Variants in PRDM11 observed in about 807,000 individuals in gnomAD.
PRDM11 encodes the protein PR/SET domain 11, also known as PR domain-containing protein 11.
Under a neutral mutation model 97.8 loss-of-function variants are expected in PRDM11, and 20 were observed. The ratio of observed to expected loss-of-function variants is 0.20; its 90% CI spans 0.14 to 0.30. The LOEUF is 0.30. Among genes scored for constraint, PRDM11 ranks in the 10% least tolerant of loss-of-function variants. The pLI is 1.00. For missense variants in PRDM11, 1,139 were observed against 1,555.2 expected (o/e 0.73, Z 4.50); for synonymous variants, 599 against 637.7 (o/e 0.94, Z 0.91).
chr11:45,110,288 G>A (rs186024422), intron 1 of PRDM11, among the ~76,000 whole-genome samples: 125 of 151,772 alleles, frequency 8.2e-4, no homozygotes, highest in African/African-American at 2.9e-3. Flanking sequence ...CCAGAAAAAT[G>A]AGAGCCCTGA....
chr11:45,189,127 C>T (rs1852817615), intron 4 of PRDM11, among the ~76,000 whole-genome samples: 6 of 152,036 alleles, frequency 3.9e-5, no homozygotes, highest in Admixed American at 3.9e-4. Flanking sequence ...TCTTGAACTC[C>T]CGACCTCAAG....
At chr11:45,096,837 G>A (rs879282872) in intron 1 of PRDM11, among the ~76,000 whole-genome samples, 6 of 152,188 alleles carry the variant, frequency 3.9e-5, no homozygotes, top group Admixed American at 3.3e-4. Flanking sequence ...AGAAGGGAAC[G>A]TTGTCATTTC....
At chr11:45,128,955 AC>A (rs1304911700) in intron 1 of PRDM11, among the ~76,000 whole-genome samples, 1 of 152,202 alleles carries the variant, frequency 6.6e-6, no homozygotes, top group Non-Finnish European at 1.5e-5. Context: ...GTAGTGACAT[AC>A]AAAAATTATA....
intron 1 of PRDM11, among the ~76,000 whole-genome samples, chr11:45,161,475 C>G (rs1851926395): frequency 6.6e-6 from 1 of 152,200 alleles, no homozygotes; most frequent in Non-Finnish European, 1.5e-5. Flanking sequence ...CACCCTGACC[C>G]CTTGCTTGGC....
intron 1 of PRDM11, among the ~76,000 whole-genome samples, chr11:45,102,598 A>G (rs1207754797): frequency 2.6e-5 from 4 of 151,076 alleles, no homozygotes; most frequent in African/African-American, 9.7e-5. Flanking sequence ...TCCTTCCCCC[A>G]TACCACCCCA....
chr11:45,180,035 G>T (rs540012148), intron 1 of PRDM11, among the ~76,000 whole-genome samples: 3 of 152,344 alleles, frequency 2.0e-5, no homozygotes, highest in Non-Finnish European at 2.9e-5. Context: ...GCGATTGTTC[G>T]GTAGAGGACT....
intron 5 of PRDM11, among the ~76,000 whole-genome samples, chr11:45,215,003 T>G (rs1481154998): frequency 6.6e-6 from 1 of 152,142 alleles, no homozygotes; most frequent in Non-Finnish European, 1.5e-5. Context: ...AAAAGTGAGG[T>G]GTTGCTAAGT....
intron 4 of PRDM11, among the ~76,000 whole-genome samples, chr11:45,184,738 A>G (rs989100800): frequency 6.6e-6 from 1 of 152,184 alleles, no homozygotes; most frequent in African/African-American, 2.4e-5. Flanking sequence ...CAAGATATCC[A>G]AGTGGTGATG....
chr11:45,106,690 C>T (rs1852067025), intron 1 of PRDM11, among the ~76,000 whole-genome samples: 1 of 152,172 alleles, frequency 6.6e-6, no homozygotes, highest in African/African-American at 2.4e-5. Context: ...CGGGCTGCCA[C>T]CTGGGACACT....
At chr11:45,101,555 CAA>C (rs1172482163) in intron 1 of PRDM11, among the ~76,000 whole-genome samples, 93 of 61,578 alleles carry the variant, frequency 1.5e-3, no homozygotes, top group African/African-American at 5.6e-3. Context: ...CACTCTGTCT[CAA>C]AAAAAAAAAA....
intron 5 of PRDM11, among the ~76,000 whole-genome samples, chr11:45,211,939 G>A (rs1853752617): frequency 6.6e-6 from 1 of 152,216 alleles, no homozygotes; most frequent in African/African-American, 2.4e-5. Flanking sequence ...CCCAAGCAAT[G>A]CAGACGTGGC....
chr11:45,200,800 T>C (rs2135787006), intron 4 of PRDM11, among the ~76,000 whole-genome samples: 1 of 152,294 alleles, frequency 6.6e-6, no homozygotes, highest in Admixed American at 6.5e-5. Context: ...TGTTTTCTCT[T>C]TTTAGTTTTC....
chr11:45,096,759 C>G (rs1851891598), intron 1 of PRDM11, among the ~76,000 whole-genome samples: 1 of 152,198 alleles, frequency 6.6e-6, no homozygotes, highest in Non-Finnish European at 1.5e-5. Context: ...ATCACAGAGG[C>G]ACTGGGTAGC....
rs1852174873 is a variant in PRDM11, at chr11:45,111,352, C to T, written c.96+15451C>T. ...GCCCTCTATGCCAAACGGCATTCCA[C>T]CCAACATTGCTTCGGACCAACGAAC... On this transcript the variant is annotated intron_variant, in intron 1 of 6. Transcript: ENST00000530656. 3.6e-5 allele frequency among the ~76,000 whole-genome samples: 2 copies of T among 55,106 alleles called. 1 individual carries two copies. The highest frequency in any genetic ancestry group is 1.6e-4 in the Non-Finnish European group (2 of 12,202). 36.2% of individuals were successfully genotyped at this position (55,106 alleles called of 152,430 possible).
chr11:45,225,171 T>G (rs1854243812), intron 7 of PRDM11: 2 of 1,293,924 alleles, frequency 1.5e-6, no homozygotes, highest in African/African-American at 3.0e-5. Context: ...CTAAACCCAG[T>G]CTTTCTCTGT....
chr11:45,111,702 CTG>C (rs1213653823), intron 1 of PRDM11, among the ~76,000 whole-genome samples: 3 of 152,164 alleles, frequency 2.0e-5, no homozygotes, highest in Non-Finnish European at 4.4e-5. Context: ...CCTCCGGGCT[CTG>C]TCGATTTGAA....
At chr11:45,096,832 G>A (rs1851892451) in intron 1 of PRDM11, among the ~76,000 whole-genome samples, 1 of 152,190 alleles carries the variant, frequency 6.6e-6, no homozygotes, top group Non-Finnish European at 1.5e-5. Flanking sequence ...GAGGGAGAAG[G>A]GAACGTTGTC....
At position 45,227,153 on chromosome 11, in the gene PRDM11, T is replaced by A; in HGVS notation, c.2528T>A (p.Leu843Gln). 6.5e-7 allele frequency: 1 copy of A among 1,533,980 alleles called. No homozygotes were observed. The highest frequency in any genetic ancestry group is 8.7e-7 in the Non-Finnish European group (1 of 1,146,740). Residue 843 changes from leucine (L) to glutamine (Q), a missense_variant, in exon 8 of 8, where the codon CTG becomes CAG. This residue lies in a region of PRDM11 where 710 missense variants were observed against 1,044.9 expected (regional missense o/e 0.68). Coordinates refer to ENST00000683152, the MANE Select transcript of PRDM11 (RefSeq NM_001384648.1). The surrounding 1 kb of genome is among the most constrained non-coding windows in gnomAD (Gnocchi z 8.0). ...NVLNALIKDY[L>Q]EVVAHLKEVS... ...CTCAACGCTCTCATCAAGGACTACC[T>A]GGAGGTGGTGGCCCATCTCAAGGAG...
At chr11:45,135,242 C>T (rs969272333) in intron 1 of PRDM11, among the ~76,000 whole-genome samples, 11 of 152,128 alleles carry the variant, frequency 7.2e-5, no homozygotes, top group African/African-American at 2.7e-4. Flanking sequence ...AGAAAACCTG[C>T]CTTAGCAAAC....
Sources: allele counts gnomAD v4.1 joint callset (sites outside exome capture counted in the v4.1 genomes callset), GRCh38; gene constraint gnomAD v4.1.1; regional missense constraint gnomAD v4.1.1; non-coding constraint Gnocchi (gnomAD v3.1); transcripts MANE v1.5; gene names NCBI Gene and HGNC (gene_info 2026-07-23, HGNC 2026-07-21).